COL5A2: variants seen among roughly 807,000 people sequenced by gnomAD.
COL5A2 encodes collagen alpha-2(V) chain.
In COL5A2, 23 loss-of-function variants were observed where a neutral mutation model predicts 208.2. The ratio of observed to expected loss-of-function variants is 0.11; its 90% CI spans 0.08 to 0.16. The LOEUF is 0.16. Among genes scored for constraint, COL5A2 ranks in the 10% least tolerant of loss-of-function variants. The probability of loss-of-function intolerance (pLI) is 1.00; values close to 1 mark genes in which losing one functional copy is unlikely to be tolerated. For synonymous variants in COL5A2, 625 were observed against 628.5 expected (o/e 0.99, Z 0.08); for missense variants, 1,590 against 1,956.4 (o/e 0.81, Z 3.53).
rs763885681 is a variant in COL5A2 at position 189,034,112 on chromosome 2, G to A, written c.4458C>T (p.Asp1486=). The change falls in exon 54 of 54, where the codon GAC becomes GAT. Residue 1486 remains aspartate, a synonymous_variant. Coordinates refer to ENST00000374866, the MANE Select transcript of COL5A2 (RefSeq NM_000393.5). ...DLAPVDVGGT[D]QEFGVEIGPV... ...GCCCAATTTCAACGCCGAATTCCTG[G>A]TCTGTGCCGCCAACATCCACAGGAG... 1.2e-6 allele frequency: 2 copies of A among 1,613,968 alleles called. No homozygotes were observed. Among genetic ancestry groups the A allele is most frequent in the Non-Finnish European group, 1.7e-6 (2 of 1,179,936 alleles).
chr2:189,119,626 A>G (rs2105732406), intron 1 of COL5A2, among the ~76,000 whole-genome samples: 1 of 152,184 alleles, frequency 6.6e-6, no homozygotes, highest in East Asian at 1.9e-4. Flanking sequence ...GTGACTACGA[A>G]TAAAATATCT....
At chr2:189,230,226 A>T (rs1398154980), upstream of COL5A2, among the ~76,000 whole-genome samples, 2 of 151,914 alleles carry the variant, frequency 1.3e-5, no homozygotes, top group Non-Finnish European at 2.9e-5. Context: ...TAAAATTCCT[A>T]GACAAAAACA....
intron 31 of COL5A2, 100 bp from the exon 32 acceptor site, chr2:189,058,993 C>G: frequency 1.1e-6 from 1 of 872,846 alleles, no homozygotes; most frequent in Non-Finnish European, 1.9e-6. Flanking sequence ...ATTAATGTGC[C>G]ATTAGAAGGC....
At chr2:189,059,585 G>GTTTGTTTTTTTTTTTTTTTT (rs1685978787) in intron 31 of COL5A2, among the ~76,000 whole-genome samples, 1 of 28,594 alleles carries the variant, frequency 3.5e-5, no homozygotes, top group Non-Finnish European at 7.4e-5. Context: ...TTCTTTTCTG[G>GTTTGTTTTTTTTTTTTTTTT]TTTTTTTTTT....
chr2:189,096,621 CA>C (rs777945216), intron 6 of COL5A2, among the ~76,000 whole-genome samples: 53 of 71,118 alleles, frequency 7.5e-4, no homozygotes, highest in South Asian at 2.8e-3. Context: ...GACTCCGTCT[CA>C]AAAAAAAAAA....
the COL5A2 span, among the ~76,000 whole-genome samples, chr2:189,358,965 T>C: frequency 2.0e-5 from 3 of 152,276 alleles, no homozygotes; most frequent in African/African-American, 7.2e-5. Context: ...TCTAACAGTG[T>C]TTTTGGTGGA....
the COL5A2 span, among the ~76,000 whole-genome samples, chr2:189,257,843 G>A: frequency 9.9e-5 from 15 of 152,110 alleles, 1 homozygote; most frequent in African/African-American, 1.4e-4. Flanking sequence ...GGCCAGGCGC[G>A]GTGGTTCACA....
chr2:189,177,174 T>C (rs1258450176), intron 1 of COL5A2, among the ~76,000 whole-genome samples: 1 of 152,212 alleles, frequency 6.6e-6, no homozygotes, highest in Non-Finnish European at 1.5e-5. Context: ...AGAAGACATA[T>C]TTGTACAAAA....
At chr2:189,235,476 C>T in the COL5A2 span, among the ~76,000 whole-genome samples, 20 of 151,838 alleles carry the variant, frequency 1.3e-4, no homozygotes, top group African/African-American at 4.6e-4. Flanking sequence ...GTAATCAACA[C>T]TCAGATTCTT....
At chr2:189,437,315 A>G in the COL5A2 span, among the ~76,000 whole-genome samples, 1 of 152,186 alleles carries the variant, frequency 6.6e-6, no homozygotes, top group Non-Finnish European at 1.5e-5. Flanking sequence ...TCAAACTTAA[A>G]TATGCATAGG....
At chr2:189,059,589 T>G (rs1489036088) in intron 31 of COL5A2, among the ~76,000 whole-genome samples, 2 of 89,218 alleles carry the variant, frequency 2.2e-5, no homozygotes, top group Non-Finnish European at 4.7e-5. Flanking sequence ...TTTCTGGTTT[T>G]TTTTTTTTTT....
chr2:189,254,686 G>C, the COL5A2 span, among the ~76,000 whole-genome samples: 1 of 152,182 alleles, frequency 6.6e-6, no homozygotes, highest in Admixed American at 6.5e-5. Context: ...CATTCACCCT[G>C]ACATTACGCC....
At chr2:189,359,540 C>T in the COL5A2 span, among the ~76,000 whole-genome samples, 188 of 152,172 alleles carry the variant, frequency 1.2e-3, 1 homozygote, top group African/African-American at 3.5e-3. Flanking sequence ...GTTTTTGGTG[C>T]GTCCTTGTCT....
intron 1 of COL5A2, among the ~76,000 whole-genome samples, chr2:189,155,262 A>T (rs910278891): frequency 3.9e-4 from 60 of 152,224 alleles, no homozygotes; most frequent in African/African-American, 1.1e-3. Flanking sequence ...TGCTAGGATA[A>T]CAGGCATGAG....
At chr2:189,052,615 G>T in intron 40 of COL5A2, 134 bp downstream of exon 40, 1 of 926,108 alleles carries the variant, frequency 1.1e-6, no homozygotes, top group African/African-American at 1.6e-5. Context: ...AGTGCCCTTT[G>T]CACTATAGTA....
intron 1 of COL5A2, among the ~76,000 whole-genome samples, chr2:189,187,893 C>T (rs923355685): frequency 2.6e-4 from 40 of 151,178 alleles, no homozygotes; most frequent in African/African-American, 8.2e-4. Context: ...GGTGTGAACC[C>T]GGGAGGCGGA....
rs1686594648 is a variant in COL5A2, at chr2:189,083,929, T to C, written c.852+55A>G. The C allele has an allele frequency of 2.3e-6, 3 of 1,279,582 alleles. No individual in the cohort carries two copies. The East Asian group carries it at 6.9e-5, about 30-fold the overall frequency. 79.3% of individuals were successfully genotyped at this position (1,279,582 alleles called of 1,614,324 possible). A position where few individuals can be genotyped will look rare whatever the true frequency, so the allele number is the denominator to read the frequency against. ...CATGTGCATACAGAGAATTGTGATTTAATTCAATGTTCTTTATTTTTCAAA... is the reference window on the plus strand; with the variant it reads ...CATGTGCATACAGAGAATTGTGATTCAATTCAATGTTCTTTATTTTTCAAA... On this transcript the variant is annotated intron_variant, in intron 12 of 53. Coordinates refer to ENST00000374866, the MANE Select transcript of COL5A2 (RefSeq NM_000393.5).
chr2:189,402,532 T>C, the COL5A2 span, among the ~76,000 whole-genome samples: 3 of 152,218 alleles, frequency 2.0e-5, no homozygotes, highest in Non-Finnish European at 4.4e-5. Context: ...GGTTTGTGTT[T>C]TACATTTCAA....
At chr2:189,114,117 A>G (rs1432854276) in intron 1 of COL5A2, among the ~76,000 whole-genome samples, 4 of 152,236 alleles carry the variant, frequency 2.6e-5, no homozygotes, top group African/African-American at 9.6e-5. Flanking sequence ...AATTAAATTT[A>G]AGATGATGTG....
Sources: allele counts gnomAD v4.1 joint callset (sites outside exome capture counted in the v4.1 genomes callset), GRCh38; gene constraint gnomAD v4.1.1; transcripts MANE v1.5; gene names NCBI Gene and HGNC (gene_info 2026-07-23, HGNC 2026-07-21).